Variants in DEPDC5 observed in about 807,000 individuals in gnomAD.
DEPDC5 encodes DEP domain containing 5, GATOR1 subcomplex subunit.
Under a neutral mutation model 217.3 loss-of-function variants are expected in DEPDC5, and 73 were observed. The observed-to-expected ratio is 0.34, with a 90% CI of 0.28 to 0.41. DEPDC5 has a LOEUF of 0.41. Among genes scored for constraint, DEPDC5 ranks in the 10% least tolerant of loss-of-function variants. The pLI, the probability that DEPDC5 is intolerant of heterozygous loss-of-function variation, is 1.00. For missense variants in DEPDC5, 1,675 were observed against 2,070.1 expected (o/e 0.81, Z 3.70); for synonymous variants, 733 against 756.7 (o/e 0.97, Z 0.51).
At chr22:31,902,407 ATTATATATAT>A (rs1569244016) in intron 41 of DEPDC5, among the ~76,000 whole-genome samples, 1 of 69,348 alleles carries the variant, frequency 1.4e-5, no homozygotes, top group African/African-American at 9.5e-5. Context: ...TCATCTCCTT[ATTATATATAT>A]ATATATATAT....
intron 7 of DEPDC5, among the ~76,000 whole-genome samples, chr22:31,774,025 C>G (rs1352067496): frequency 6.6e-6 from 1 of 151,882 alleles, no homozygotes; most frequent in Admixed American, 6.6e-5. Context: ...GAGCCGAGAT[C>G]GTGCCATTGC....
chr22:31,865,067 C>G (rs1215437353), intron 33 of DEPDC5, among the ~76,000 whole-genome samples: 1 of 141,956 alleles, frequency 7.0e-6, no homozygotes, highest in East Asian at 1.9e-4. Context: ...CTCAGGTGAT[C>G]TACCCGCCTC....
At chr22:31,868,495 C>T (rs951877512) in intron 33 of DEPDC5, among the ~76,000 whole-genome samples, 3 of 152,066 alleles carry the variant, frequency 2.0e-5, no homozygotes, top group Non-Finnish European at 4.4e-5. Flanking sequence ...TGGCAGGATC[C>T]CAGCTCACAG....
rs370366925 is a variant in DEPDC5, at chr22:31,906,259, G to A, written c.4574G>A (p.Arg1525Gln). Residue 1525 changes from arginine (R) to glutamine (Q), a missense_variant, in exon 43 of 43, where the codon CGG (arginine) becomes CAG (glutamine). Around this residue, in one of 11 missense-constraint regions of DEPDC5, gnomAD observed 182 missense variants for 290.1 expected, o/e 0.63. Coordinates refer to ENST00000651528, the MANE Select transcript of DEPDC5 (RefSeq NM_001242896.3). The surrounding 1 kb of genome is among the most constrained non-coding windows in gnomAD (Gnocchi z 5.1). Reference sequence around the variant, plus strand: ...AAGCGCAAGTTCTCAGGGCAGCAGCGGCGGCGGCGGAACTCCACCAGCTCC... The same window carrying A: ...AAGCGCAAGTTCTCAGGGCAGCAGCAGCGGCGGCGGAACTCCACCAGCTCC... ...YSKRKFSGQQ[R>Q]RRRNSTSSTN... 7 of 1,613,742 alleles carry A rather than the reference G, an allele frequency of 4.3e-6. No homozygotes were observed. The highest frequency in any genetic ancestry group is 1.7e-5 in the Admixed American group (1 of 60,008).
chr22:31,781,216 C>CAAAAAAAA (rs1243159443), intron 8 of DEPDC5, among the ~76,000 whole-genome samples: 3 of 97,884 alleles, frequency 3.1e-5, no homozygotes, highest in African/African-American at 7.8e-5. Flanking sequence ...AACTCGGTCT[C>CAAAAAAAA]AAAAACAAAC....
At chr22:31,783,575 C>T (rs766794615) in intron 8 of DEPDC5, among the ~76,000 whole-genome samples, 4 of 152,012 alleles carry the variant, frequency 2.6e-5, no homozygotes, top group African/African-American at 9.7e-5. Flanking sequence ...GTGGGAAGAT[C>T]GTTTCATCCT....
chr22:31,907,586 A>C lies in DEPDC5; in HGVS notation c.*1089A>C, dbSNP rs2093774230. 1 of 152,094 alleles carries C rather than the reference A, an allele frequency of 6.6e-6. No individual in the cohort carries two copies. The highest frequency in any genetic ancestry group is 1.5e-5 in the Non-Finnish European group (1 of 68,054). 9.4% of individuals were successfully genotyped at this position (152,094 alleles called of 1,614,324 possible). ...GTATTTTAAGTAGAGATGGGGTTTCACCATGTTGGCCAGGCTGGTCTTGAA... is the reference window on the plus strand; with the variant it reads ...GTATTTTAAGTAGAGATGGGGTTTCCCCATGTTGGCCAGGCTGGTCTTGAA... On this transcript the variant is annotated 3_prime_UTR_variant, in exon 43 of 43. Coordinates refer to ENST00000651528, the MANE Select transcript of DEPDC5 (RefSeq NM_001242896.3).
At chr22:31,762,856 G>A (rs997065775) in intron 4 of DEPDC5, among the ~76,000 whole-genome samples, 1 of 152,002 alleles carries the variant, frequency 6.6e-6, no homozygotes, top group African/African-American at 2.4e-5. Context: ...TGCCCAGGCT[G>A]GAGTCTGGAG....
rs776608344 is a variant in DEPDC5, at chr22:31,857,466, A to G, written c.3177A>G (p.Ala1059=). ...ASQKCLGEQQ[A]AVHGGKSSAQ... ...TCAGGTGCCTGGGAGAACAGCAGGCAGCTGTGCATGGTGGGAAGAGCTCCG... is the reference window on the plus strand; with the variant it reads ...TCAGGTGCCTGGGAGAACAGCAGGCGGCTGTGCATGGTGGGAAGAGCTCCG... Residue 1059 remains alanine, a synonymous_variant, in exon 32 of 43, where the codon GCA becomes GCG. Transcript: ENST00000651528. 3.1e-6 allele frequency: 5 copies of G among 1,609,750 alleles called. No homozygotes were observed. Among genetic ancestry groups the G allele is most frequent in the African/African-American group, 2.7e-5 (2 of 75,010 alleles).
chr22:31,863,791 C>T (rs1050449598), intron 33 of DEPDC5, among the ~76,000 whole-genome samples: 5 of 151,896 alleles, frequency 3.3e-5, no homozygotes, highest in Admixed American at 1.3e-4. Flanking sequence ...GGGCTCGTGG[C>T]GTGCGCCTGT....
intron 2 of DEPDC5, among the ~76,000 whole-genome samples, chr22:31,756,974 G>A (rs567872304): frequency 4.8e-4 from 73 of 151,600 alleles, no homozygotes; most frequent in African/African-American, 1.5e-3. Flanking sequence ...ATATTTATTA[G>A]GTGTATACCT....
intron 24 of DEPDC5, among the ~76,000 whole-genome samples, chr22:31,830,631 G>A (rs947244621): frequency 4.2e-5 from 1 of 23,654 alleles, no homozygotes; most frequent in Non-Finnish European, 8.2e-5. Context: ...ATGCGTGTAC[G>A]TGTGTGTGTG....
At chr22:31,793,709 A>G (rs986674942) in intron 12 of DEPDC5, among the ~76,000 whole-genome samples, 5 of 151,966 alleles carry the variant, frequency 3.3e-5, no homozygotes, top group African/African-American at 1.2e-4. Context: ...AGCTGGGACT[A>G]CAGGCGCCCG....
intron 21 of DEPDC5, 67 bp from the exon 22 acceptor site, chr22:31,818,955 A>G (rs1199176221): frequency 3.2e-6 from 5 of 1,545,240 alleles, no homozygotes; most frequent in South Asian, 1.1e-5. Flanking sequence ...TTATCATTCT[A>G]CCTAGCTCTG....
intron 10 of DEPDC5, among the ~76,000 whole-genome samples, chr22:31,791,599 C>T (rs966583248): frequency 7.1e-6 from 1 of 140,636 alleles, no homozygotes; most frequent in African/African-American, 2.7e-5. Context: ...CACTGCACTC[C>T]AGCCTGGGCA....
Position 31,893,783 on chromosome 22 carries a change from T to C in DEPDC5, c.4203+32T>C, listed in dbSNP as rs750345347. On this transcript the variant is annotated intron_variant, in intron 39 of 42. Coordinates refer to ENST00000651528, the MANE Select transcript of DEPDC5 (RefSeq NM_001242896.3). ...ACCTTCATGCATGTTGTCAGGCCTT[T>C]GGCTCACCTCACAGTGGGCATGGAG... The C allele has an allele frequency of 1.9e-6, 3 of 1,539,466 alleles. No individual in the cohort carries two copies. The East Asian group carries it at 7.3e-5, about 37-fold the overall frequency.
chr22:31,756,940 A>T (rs924429799), intron 2 of DEPDC5, among the ~76,000 whole-genome samples: 3 of 138,518 alleles, frequency 2.2e-5, no homozygotes, highest in South Asian at 4.4e-4. Flanking sequence ...AAAAAATAAT[A>T]AAAAAAAAAG....
chr22:31,874,100 A>G, intron 35 of DEPDC5, 173 bp from the exon 36 acceptor site: 2 of 1,056,614 alleles, frequency 1.9e-6, no homozygotes. Context: ...GCCCCCGGTA[A>G]CAGTTTCTTT....
chr22:31,765,647 A>G (rs555541179), intron 5 of DEPDC5, among the ~76,000 whole-genome samples: 45 of 152,314 alleles, frequency 3.0e-4, no homozygotes, highest in South Asian at 1.7e-3. Flanking sequence ...AGTTCCAACT[A>G]CGTGAAAGGC....
Sources: allele counts gnomAD v4.1 joint callset (sites outside exome capture counted in the v4.1 genomes callset), GRCh38; gene constraint gnomAD v4.1.1; regional missense constraint gnomAD v4.1.1; non-coding constraint Gnocchi (gnomAD v3.1); transcripts MANE v1.5; gene names NCBI Gene and HGNC (gene_info 2026-07-23, HGNC 2026-07-21).